Variants in CKS2 observed in about 807,000 individuals in gnomAD.
CKS2 encodes the protein cyclin-dependent kinases regulatory subunit 2.
A neutral mutation model predicts 14.3 loss-of-function variants in CKS2; 4 were observed. The ratio of observed to expected loss-of-function variants is 0.28; its 90% CI spans 0.14 to 0.64. The LOEUF (loss-of-function observed/expected upper bound fraction) is 0.64, where lower values mean the gene tolerates loss of function less well. Among genes scored for constraint, CKS2 ranks in the 30% least tolerant of loss-of-function variants. CKS2 has a pLI of 0.83. For synonymous variants in CKS2, 33 were observed against 28.7 expected (o/e 1.15, Z -0.48); for missense variants, 71 against 94.3 (o/e 0.75, Z 1.02).
intron 1 of CKS2, 79 bp downstream of exon 1, chr9:89,311,430 T>A: frequency 2.0e-6 from 1 of 492,418 alleles, no homozygotes; most frequent in Non-Finnish European, 3.6e-6. Context: ...CATAGTAGGG[T>A]CGGGGGTGGG....
At chr9:89,313,118 A>G (rs1168535307) in intron 1 of CKS2, among the ~76,000 whole-genome samples, 1 of 152,236 alleles carries the variant, frequency 6.6e-6, no homozygotes, top group Non-Finnish European at 1.5e-5. Context: ...ACAGGATAGT[A>G]ATTTCCACAC....
chr9:89,311,221 G>T lies in CKS2; in HGVS notation c.-72G>T. On this transcript the variant is annotated 5_prime_UTR_variant, in exon 1 of 3. Coordinates refer to ENST00000314355, the MANE Select transcript of CKS2 (RefSeq NM_001827.3). ...TTAGTCTCCGGCGAGTTGTTGCCTG[G>T]GCTGGACGTGGTTTTGTCTGCTGCG... is the stretch of plus-strand genomic sequence containing the variant. 3.9e-6 allele frequency: 5 copies of T among 1,294,556 alleles called. No homozygotes were observed. The highest frequency in any genetic ancestry group is 2.5e-5 in the South Asian group (2 of 81,568). The allele number at this position is 1,294,556 out of a possible 1,614,324, so 80.2% of individuals were successfully genotyped here.
At chr9:89,315,949 A>G (rs975037120) in intron 2 of CKS2, among the ~76,000 whole-genome samples, 2 of 152,218 alleles carry the variant, frequency 1.3e-5, no homozygotes, top group African/African-American at 4.8e-5. Context: ...AATTAAAACT[A>G]TCTTCTACTC....
rs777967552 is a variant in CKS2 at position 89,315,287 on chromosome 9, T to A, written c.177T>A (p.Ile59=). 6.3e-7 allele frequency: 1 copy of A among 1,597,746 alleles called. No individual in the cohort carries two copies. Among genetic ancestry groups the A allele is most frequent in the Non-Finnish European group, 8.5e-7 (1 of 1,171,060 alleles). Residue 59 remains isoleucine (I), a synonymous_variant, in exon 2 of 3, where the codon ATT becomes ATA. Coordinates refer to ENST00000314355, the MANE Select transcript of CKS2 (RefSeq NM_001827.3). Reference sequence around the variant, plus strand: ...GTCTAGGCTGGGTTCATTACATGATTCATGAGCCAGGTAAGCTATGCTATG... The same window carrying A: ...GTCTAGGCTGGGTTCATTACATGATACATGAGCCAGGTAAGCTATGCTATG... ...QQSLGWVHYM[I]HEPEPHILLF...
At chr9:89,314,386 TG>T (rs778231181) in intron 1 of CKS2, among the ~76,000 whole-genome samples, 75 of 152,352 alleles carry the variant, frequency 4.9e-4, no homozygotes, top group Admixed American at 1.0e-3. Context: ...GGTTATTCCA[TG>T]CTTGCCTAAG....
chr9:89,313,621 G>A (rs192807087), intron 1 of CKS2, among the ~76,000 whole-genome samples: 1 of 152,334 alleles, frequency 6.6e-6, no homozygotes, highest in East Asian at 1.9e-4. Context: ...CTGTTTCCGT[G>A]TTTATGGAGA....
At chr9:89,312,714 T>C (rs1564273798) in intron 1 of CKS2, among the ~76,000 whole-genome samples, 1 of 152,168 alleles carries the variant, frequency 6.6e-6, no homozygotes, top group Non-Finnish European at 1.5e-5. Flanking sequence ...CTTATAGTAA[T>C]AATAAACTAT....
At chr9:89,313,677 C>T (rs1234005327) in intron 1 of CKS2, among the ~76,000 whole-genome samples, 1 of 152,148 alleles carries the variant, frequency 6.6e-6, no homozygotes, top group African/African-American at 2.4e-5. Context: ...GATTTATGTA[C>T]TCTGTAAGTT....
intron 1 of CKS2, 91 bp downstream of exon 1, chr9:89,311,442 GCCGGGGCCTGGGGGGCGGAGC>G: frequency 1.3e-6 from 1 of 792,652 alleles, no homozygotes; most frequent in Non-Finnish European, 1.9e-6. Context: ...GGGGGTGGGG[GCCGGGGCCTGGGGGGCGGAGC>G]CCGGGGCCGG....
chr9:89,315,854 A>G (rs1443306671), intron 2 of CKS2, among the ~76,000 whole-genome samples: 1 of 152,210 alleles, frequency 6.6e-6, no homozygotes, highest in East Asian at 1.9e-4. Context: ...GTTAAATTTT[A>G]TATTTGGATT....
At chr9:89,313,165 T>C (rs567834515) in intron 1 of CKS2, among the ~76,000 whole-genome samples, 1 of 152,374 alleles carries the variant, frequency 6.6e-6, no homozygotes, top group East Asian at 1.9e-4. Flanking sequence ...AATATAGCAC[T>C]AAGGCATGAG....
At chr9:89,315,353 G>C in intron 2 of CKS2, 56 bp downstream of exon 2, 1 of 1,401,476 alleles carries the variant, frequency 7.1e-7, no homozygotes, top group Non-Finnish European at 9.4e-7. Flanking sequence ...GGTGGTTATG[G>C]TTGTCAAAAT....
Position 89,315,263 on chromosome 9 carries a change from T to C in CKS2, c.153T>C (p.Ser51=). The C allele has an allele frequency of 1.2e-6, 2 of 1,609,374 alleles. No individual in the cohort carries two copies. Among genetic ancestry groups the C allele is most frequent in the Non-Finnish European group, 1.7e-6 (2 of 1,177,344 alleles). Residue 51 remains serine (S), a synonymous_variant, in exon 2 of 3, where the codon AGT becomes AGC. Coordinates refer to ENST00000314355, the MANE Select transcript of CKS2 (RefSeq NM_001827.3). ...GGAGGAGACTTGGTGTCCAACAGAGTCTAGGCTGGGTTCATTACATGATTC... is the reference window on the plus strand; with the variant it reads ...GGAGGAGACTTGGTGTCCAACAGAGCCTAGGCTGGGTTCATTACATGATTC... The part of the protein sequence containing the change: ...EEWRRLGVQQ[S]LGWVHYMIHE...
chr9:89,316,223 A>G (rs1163365465), intron 2 of CKS2, 150 bp from the exon 3 acceptor site: 1 of 609,496 alleles, frequency 1.6e-6, no homozygotes, highest in Non-Finnish European at 3.0e-6. Flanking sequence ...TGTAGACAGT[A>G]ACTGTGAAAA....
intron 1 of CKS2, among the ~76,000 whole-genome samples, chr9:89,313,681 G>GTT (rs1824659062): frequency 6.6e-6 from 1 of 152,206 alleles, no homozygotes; most frequent in South Asian, 2.1e-4. Flanking sequence ...TATGTACTCT[G>GTT]TAAGTTTGAT....
chr9:89,315,448 T>A (rs1824690843), intron 2 of CKS2, 151 bp downstream of exon 2: 1 of 489,924 alleles, frequency 2.0e-6, no homozygotes, highest in South Asian at 6.6e-5. Context: ...TTCTTGACTC[T>A]GGAGAGAGTT....
rs1824699329 is a variant in CKS2 at position 89,315,767 on chromosome 9, T to A, written c.187+470T>A. 2.0e-5 allele frequency among the ~76,000 whole-genome samples: 3 copies of A among 152,210 alleles called. No individual in the cohort carries two copies. The South Asian group carries it at 6.2e-4, about 32-fold the overall frequency. On this transcript the variant is annotated intron_variant, in intron 2 of 2. Coordinates refer to ENST00000314355, the MANE Select transcript of CKS2 (RefSeq NM_001827.3). Reference sequence around the variant, plus strand: ...GGGTACCTTATGCTATTATGTGGTATTAACCAAAAGTTTTTCAGGTGTTAA... The same window carrying A: ...GGGTACCTTATGCTATTATGTGGTAATAACCAAAAGTTTTTCAGGTGTTAA...
intron 1 of CKS2, among the ~76,000 whole-genome samples, chr9:89,313,222 A>C (rs535994133): frequency 1.3e-5 from 2 of 152,318 alleles, no homozygotes; most frequent in South Asian, 4.1e-4. Context: ...ATGCAATGTA[A>C]ATTTCAAAGG....
chr9:89,311,254 T>G lies in CKS2; in HGVS notation c.-39T>G, dbSNP rs1203736953. 6.3e-7 allele frequency: 1 copy of G among 1,591,754 alleles called. No homozygotes were observed. On this transcript the variant is annotated 5_prime_UTR_variant, in exon 1 of 3. Coordinates refer to ENST00000314355, the MANE Select transcript of CKS2 (RefSeq NM_001827.3). ...GTGGTTTTGTCTGCTGCGCCCGCTCTTCGCGCTCTCGTTTCATTTTCTGCA... is the reference window on the plus strand; with the variant it reads ...GTGGTTTTGTCTGCTGCGCCCGCTCGTCGCGCTCTCGTTTCATTTTCTGCA...
Sources: allele counts gnomAD v4.1 joint callset (sites outside exome capture counted in the v4.1 genomes callset), GRCh38; gene constraint gnomAD v4.1.1; transcripts MANE v1.5; gene names NCBI Gene and HGNC (gene_info 2026-07-23, HGNC 2026-07-21).